GPC5: variants seen among roughly 807,000 people sequenced by gnomAD.
GPC5 encodes glypican 5, also known as glypican-5.
Under a neutral mutation model 53.9 loss-of-function variants are expected in GPC5, and 47 were observed. The ratio of observed to expected loss-of-function variants is 0.87; its 90% confidence interval spans 0.69 to 1.11. The LOEUF (loss-of-function observed/expected upper bound fraction) is 1.11, where lower values mean the gene tolerates loss of function less well. Among genes scored for constraint, GPC5 ranks in the 50% most tolerant of loss-of-function variants. GPC5 has a pLI of 0.00. For missense variants in GPC5, 748 were observed against 713.1 expected, an observed-to-expected ratio of 1.05 and a Z score of -0.56; for synonymous variants, 286 against 263.3, an observed-to-expected ratio of 1.09 and a Z score of -0.84.
chr13:91,718,935 T>A (rs966649381), intron 3 of GPC5, among the ~76,000 whole-genome samples: 1 of 152,194 alleles, frequency 6.6e-6, no homozygotes, highest in Admixed American at 6.5e-5. Flanking sequence ...TTAGAAATTC[T>A]ACCTCCCTAA....
chr13:91,781,922 T>C (rs1288461880), intron 5 of GPC5, among the ~76,000 whole-genome samples: 1 of 152,226 alleles, frequency 6.6e-6, no homozygotes, highest in Non-Finnish European at 1.5e-5. Flanking sequence ...AAATTTATTA[T>C]ACTCTGAGCT....
intron 4 of GPC5, among the ~76,000 whole-genome samples, chr13:91,730,138 A>T (rs374779849): frequency 3.9e-5 from 6 of 152,134 alleles, no homozygotes; most frequent in African/African-American, 1.2e-4. Flanking sequence ...GGAACTGCAC[A>T]TGAGTCCACT....
intron 7 of GPC5, among the ~76,000 whole-genome samples, chr13:92,589,132 A>C (rs1175179699): frequency 6.6e-6 from 1 of 152,216 alleles, no homozygotes; most frequent in Non-Finnish European, 1.5e-5. Context: ...AAATGCGTTC[A>C]TGGTAGGTCC....
chr13:91,873,494 G>T (rs2039170167), intron 5 of GPC5, among the ~76,000 whole-genome samples: 1 of 152,060 alleles, frequency 6.6e-6, no homozygotes, highest in African/African-American at 2.4e-5. Context: ...TCTTATGATA[G>T]TGAATAAGTC....
intron 3 of GPC5, among the ~76,000 whole-genome samples, chr13:91,702,576 G>A (rs1313069816): frequency 6.6e-6 from 1 of 152,008 alleles, no homozygotes; most frequent in Non-Finnish European, 1.5e-5. Flanking sequence ...AAGTCAGGCA[G>A]TGTGATGCCT....
At chr13:92,389,221 G>T (rs1594160002) in intron 7 of GPC5, among the ~76,000 whole-genome samples, 1 of 152,262 alleles carries the variant, frequency 6.6e-6, no homozygotes, top group South Asian at 2.1e-4. Flanking sequence ...CAGATTCAAA[G>T]AGATAAAGTG....
rs193101989 is a variant in GPC5 at position 92,517,047 on chromosome 13, G to A, written c.1562-349235G>A. On this transcript the variant is annotated intron_variant, in intron 7 of 7. Transcript: ENST00000377067. The stretch of plus-strand genomic sequence containing the variant: ...GGAGGTTATATCCCGCGCCTGTCTC[G>A]GAGGGTCCCACACCCACGGAGCCTC... Among the ~76,000 whole-genome samples, 617 of 152,186 alleles carry A rather than the reference G, an allele frequency of 4.1e-3. 6 individuals carry two copies. Among genetic ancestry groups the A allele is most frequent in the African/African-American group, 0.014 (569 of 41,538 alleles).
intron 2 of GPC5, among the ~76,000 whole-genome samples, chr13:91,585,207 A>G (rs1391708523): frequency 6.6e-6 from 1 of 152,226 alleles, no homozygotes; most frequent in Non-Finnish European, 1.5e-5. Flanking sequence ...ACTGGTAGTA[A>G]CATAGATTAG....
At chr13:91,476,105 C>A (rs906782687) in intron 2 of GPC5, among the ~76,000 whole-genome samples, 2 of 152,144 alleles carry the variant, frequency 1.3e-5, no homozygotes, top group Admixed American at 6.6e-5. Context: ...ACACTGGGAC[C>A]AGGTAATTAT....
chr13:91,831,281 G>A (rs1471072987), intron 5 of GPC5, among the ~76,000 whole-genome samples: 1 of 151,356 alleles, frequency 6.6e-6, no homozygotes, highest in Non-Finnish European at 1.5e-5. Context: ...ATGCAGGCTG[G>A]GAGGCTAGGA....
chr13:92,145,039 ATAAT>A (rs751813381), intron 7 of GPC5, 50 bp downstream of exon 7: 4 of 1,271,812 alleles, frequency 3.1e-6, no homozygotes, highest in African/African-American at 1.6e-5. Context: ...ATTTTGAAAT[ATAAT>A]TAAAGATATT....
chr13:92,123,165 A>G (rs1450118213), intron 6 of GPC5, among the ~76,000 whole-genome samples: 3 of 152,180 alleles, frequency 2.0e-5, no homozygotes, highest in African/African-American at 7.2e-5. Flanking sequence ...GCACTTTGGG[A>G]GGCCAAGAAA....
chr13:91,754,802 T>TA (rs2037254810), intron 4 of GPC5, among the ~76,000 whole-genome samples: 1 of 152,102 alleles, frequency 6.6e-6, no homozygotes, highest in African/African-American at 2.4e-5. Flanking sequence ...GAAACGGACT[T>TA]AAAGTAGTAA....
In GPC5 at chr13:92,601,820, T is replaced by A. The variant is rs147066917; in HGVS notation, c.1562-264462T>A. Among the ~76,000 whole-genome samples, 245 of 151,984 alleles carry A rather than the reference T, an allele frequency of 1.6e-3. 1 individual carries two copies. Among genetic ancestry groups the A allele is most frequent in the Middle Eastern group, 3.4e-3 (1 of 294 alleles). ...AATTTGTGGAAGAGAAATACAGAAATCTGTAGATCCAAGTGAACACGTGGA... is the reference window on the plus strand; with the variant it reads ...AATTTGTGGAAGAGAAATACAGAAAACTGTAGATCCAAGTGAACACGTGGA... On this transcript the variant is annotated intron_variant, in intron 7 of 7. Transcript: ENST00000377067.
chr13:91,490,109 G>C (rs945721085), intron 2 of GPC5, among the ~76,000 whole-genome samples: 5 of 152,152 alleles, frequency 3.3e-5, no homozygotes, highest in African/African-American at 1.2e-4. Flanking sequence ...GTAAAGGATA[G>C]GGTGTGTAAA....
chr13:91,765,941 G>A (rs192913184), intron 5 of GPC5, among the ~76,000 whole-genome samples: 2 of 152,288 alleles, frequency 1.3e-5, no homozygotes, highest in Admixed American at 6.5e-5. Flanking sequence ...TGGGAACGGA[G>A]TGTTATACTA....
intron 7 of GPC5, among the ~76,000 whole-genome samples, chr13:92,343,782 A>G (rs1163633594): frequency 6.6e-6 from 1 of 152,118 alleles, no homozygotes; most frequent in Non-Finnish European, 1.5e-5. Context: ...TAAATAAAAT[A>G]TAGTGGGATT....
At chr13:92,576,346 C>T (rs1480940337) in intron 7 of GPC5, among the ~76,000 whole-genome samples, 3 of 152,038 alleles carry the variant, frequency 2.0e-5, no homozygotes, top group African/African-American at 7.2e-5. Flanking sequence ...GATGGGCGGT[C>T]GCTTGGGTTT....
At chr13:91,597,864 T>G (rs1364626325) in intron 2 of GPC5, among the ~76,000 whole-genome samples, 1 of 152,152 alleles carries the variant, frequency 6.6e-6, no homozygotes, top group African/African-American at 2.4e-5. Flanking sequence ...TCATTTCTGG[T>G]TCTTAGAGAT....
Sources: gnomAD v4.1 joint callset for allele counts (sites outside exome capture counted in the v4.1 genomes callset) on GRCh38, gnomAD v4.1.1 for gene constraint, MANE v1.5 for transcripts, NCBI Gene and HGNC (gene_info 2026-07-23, HGNC 2026-07-21) for gene names.